Variants in PTPRG observed in about 807,000 individuals in gnomAD.
PTPRG encodes the protein receptor-type tyrosine-protein phosphatase gamma.
PTPRG carries 102 observed loss-of-function variants against 165.3 expected under a neutral mutation model. The ratio of observed to expected loss-of-function variants is 0.62; its 90% confidence interval spans 0.53 to 0.73. The LOEUF (loss-of-function observed/expected upper bound fraction) is 0.73, where lower values mean the gene tolerates loss of function less well. Ranked by LOEUF, PTPRG falls within the 30% of genes least tolerant of loss-of-function variation. The pLI is 0.00. For missense variants in PTPRG, 1,866 were observed against 1,861.4 expected (o/e 1.00, Z -0.05); for synonymous variants, 675 against 669.5 (o/e 1.01, Z -0.13).
chr3:62,196,079 C>T lies in PTPRG; in HGVS notation c.1327+909C>T, dbSNP rs544827473. Among the ~76,000 whole-genome samples the T allele has an allele frequency of 6.6e-5, 10 of 152,162 alleles. No individual in the cohort carries two copies. The East Asian group carries it at 9.8e-4, about 15-fold the overall frequency. ...CTGAGATTACAGGCGTGAGCCACCA[C>T]GCCCGGCAATGGGATGTTTTTTAAA... On this transcript the variant is annotated intron_variant, in intron 10 of 29. Coordinates refer to ENST00000474889, the MANE Select transcript of PTPRG (RefSeq NM_002841.4).
chr3:61,808,940 A>G (rs2035495702), intron 2 of PTPRG, among the ~76,000 whole-genome samples: 1 of 149,956 alleles, frequency 6.7e-6, no homozygotes, highest in South Asian at 2.2e-4. Flanking sequence ...TTAAAAAATT[A>G]TTTCTACTGA....
At chr3:62,034,097 A>G (rs578174576) in intron 4 of PTPRG, among the ~76,000 whole-genome samples, 1 of 152,282 alleles carries the variant, frequency 6.6e-6, no homozygotes, top group South Asian at 2.1e-4. Context: ...AAATGATAAT[A>G]CAAGCTAATA....
At chr3:62,043,882 G>A (rs2107807496) in intron 4 of PTPRG, among the ~76,000 whole-genome samples, 1 of 152,290 alleles carries the variant, frequency 6.6e-6, no homozygotes, top group East Asian at 1.9e-4. Context: ...AAATCCATTA[G>A]AAAACAGGAC....
chr3:61,565,660 G>C (rs949999145), intron 1 of PTPRG, among the ~76,000 whole-genome samples: 18 of 150,072 alleles, frequency 1.2e-4, no homozygotes, highest in Non-Finnish European at 2.4e-4. Flanking sequence ...TGAAACTCTG[G>C]TTTTGATATG....
At chr3:62,088,647 A>G (rs1056897713) in intron 5 of PTPRG, among the ~76,000 whole-genome samples, 3 of 152,248 alleles carry the variant, frequency 2.0e-5, no homozygotes, top group African/African-American at 7.2e-5. Flanking sequence ...TTAATAGAAC[A>G]TTGACTTAGA....
intron 2 of PTPRG, among the ~76,000 whole-genome samples, chr3:61,946,974 C>G (rs1022753852): frequency 1.3e-5 from 2 of 152,124 alleles, no homozygotes; most frequent in Non-Finnish European, 2.9e-5. Flanking sequence ...CTGCTAAAAT[C>G]TCTTCTTGGG....
intron 1 of PTPRG, among the ~76,000 whole-genome samples, chr3:61,590,523 C>CAA (rs895838825): frequency 1.4e-5 from 2 of 144,502 alleles, no homozygotes; most frequent in African/African-American, 5.1e-5. Flanking sequence ...GACTCCATCT[C>CAA]AAAAAAAAAA....
intron 2 of PTPRG, among the ~76,000 whole-genome samples, chr3:61,946,495 T>C (rs1343392687): frequency 2.6e-5 from 4 of 152,188 alleles, no homozygotes; most frequent in African/African-American, 9.7e-5. Flanking sequence ...TACATTCTTC[T>C]GTGGGCCTGT....
intron 5 of PTPRG, among the ~76,000 whole-genome samples, chr3:62,081,631 C>T (rs1394000758): frequency 6.6e-6 from 1 of 152,204 alleles, no homozygotes; most frequent in Non-Finnish European, 1.5e-5. Context: ...AGGCGTCAGC[C>T]ACTGCGCCCG....
intron 2 of PTPRG, among the ~76,000 whole-genome samples, chr3:61,949,102 G>C (rs1342757282): frequency 5.4e-5 from 8 of 149,148 alleles, no homozygotes; most frequent in Non-Finnish European, 1.0e-4. Context: ...GGAATGCTCA[G>C]ATGGTCTTGC....
Position 62,167,926 on chromosome 3 carries a change from G to A in PTPRG, c.841-45G>A, listed in dbSNP as rs368894395. The A allele has an allele frequency of 5.3e-6, 8 of 1,520,098 alleles. No homozygotes were observed. In the African/African-American group the frequency reaches 8.9e-5, roughly 17 times the overall value. The allele number at this position is 1,520,098 out of a possible 1,614,324, so 94.2% of individuals were successfully genotyped here. On this transcript the variant is annotated intron_variant, in intron 7 of 29. Transcript: ENST00000474889. ...CTTTTCTAATTGATGTGTGTTTTTTGTGTTGTTTTTTTTTTCCCCCTCCCC... is the reference window on the plus strand; with the variant it reads ...CTTTTCTAATTGATGTGTGTTTTTTATGTTGTTTTTTTTTTCCCCCTCCCC...
chr3:62,151,885 T>C (rs1243353636), intron 6 of PTPRG, among the ~76,000 whole-genome samples: 1 of 152,146 alleles, frequency 6.6e-6, no homozygotes, highest in Admixed American at 6.5e-5. Flanking sequence ...TGATGTTAAC[T>C]CATTTGAGTC....
At chr3:62,206,371 C>G (rs1700230548) in intron 12 of PTPRG, among the ~76,000 whole-genome samples, 1 of 152,092 alleles carries the variant, frequency 6.6e-6, no homozygotes, top group South Asian at 2.1e-4. Context: ...TCAGATCAAC[C>G]CAGTTGGCTC....
intron 6 of PTPRG, among the ~76,000 whole-genome samples, chr3:62,138,804 G>C (rs2366684): frequency 1.3e-5 from 2 of 151,616 alleles, no homozygotes; most frequent in South Asian, 2.1e-4. Flanking sequence ...GTATGTGTGC[G>C]TTATGTCCTG....
At chr3:61,978,414 A>G (rs1446654304) in intron 2 of PTPRG, among the ~76,000 whole-genome samples, 1 of 152,202 alleles carries the variant, frequency 6.6e-6, no homozygotes, top group South Asian at 2.1e-4. Context: ...TTTATTTTAA[A>G]CATTTAAATC....
At chr3:61,872,796 A>G (rs917732552) in intron 2 of PTPRG, among the ~76,000 whole-genome samples, 4 of 152,180 alleles carry the variant, frequency 2.6e-5, no homozygotes, top group Non-Finnish European at 5.9e-5. Flanking sequence ...GCCAGTTTGG[A>G]TATGACTCTT....
At chr3:61,630,172 A>T (rs1014123527) in intron 1 of PTPRG, among the ~76,000 whole-genome samples, 4 of 152,194 alleles carry the variant, frequency 2.6e-5, no homozygotes, top group African/African-American at 4.8e-5. Context: ...AAATAAAATG[A>T]TGGGGTGAGA....
rs1276384821 is a variant in PTPRG at position 62,277,641 on chromosome 3, G to A, written c.3727G>A (p.Ala1243Thr). 8 of 1,612,504 alleles carry A rather than the reference G, an allele frequency of 5.0e-6. No homozygotes were observed. Among genetic ancestry groups the A allele is most frequent in the South Asian group, 2.2e-5 (2 of 91,044 alleles). The change falls in exon 26 of 30, where the codon GCA (alanine) becomes ACA (threonine). Residue 1243 changes from alanine to threonine, a missense_variant. Physicochemically the swap from Ala to Thr is moderately conservative, Grantham distance 58 (BLOSUM62 0). This residue lies in a region of PTPRG where 1,452 missense variants were observed against 1,463.0 expected (regional missense o/e 0.99). Transcript: ENST00000474889. ...DFWRMIWDHN[A>T]QIIVMLPDNQ... ...CTGGCGAATGATTTGGGATCATAAC[G>A]CACAGATCATTGTCATGCTGCCAGA...
intron 1 of PTPRG, among the ~76,000 whole-genome samples, chr3:61,564,188 C>T (rs1200037722): frequency 6.6e-6 from 1 of 152,214 alleles, no homozygotes; most frequent in African/African-American, 2.4e-5. Context: ...AATCATCTCT[C>T]CTTTCTAGTC....
Sources: gnomAD v4.1 joint callset for allele counts (sites outside exome capture counted in the v4.1 genomes callset) on GRCh38, gnomAD v4.1.1 for gene constraint, gnomAD v4.1.1 regional missense constraint, MANE v1.5 for transcripts, NCBI Gene and HGNC (gene_info 2026-07-23, HGNC 2026-07-21) for gene names.